The following DCDC1 variants were observed in gnomAD, a reference collection of about 807,000 sequenced individuals.
DCDC1 encodes the protein doublecortin domain containing 1, also known as doublecortin domain-containing protein 1.
A neutral mutation model predicts 178.3 loss-of-function variants in DCDC1; 200 were observed. The observed-to-expected ratio is 1.12, with a 90% CI of 1.00 to 1.26. The LOEUF is 1.26. Among genes scored for constraint, DCDC1 ranks in the 50% most tolerant of loss-of-function variants. The pLI, the probability that DCDC1 is intolerant of heterozygous loss-of-function variation, is 0.00. For missense variants in DCDC1, 1,983 were observed against 1,749.2 expected (o/e 1.13, Z -2.38); for synonymous variants, 690 against 604.8 (o/e 1.14, Z -2.07).
chr11:30,997,805 G>C lies in DCDC1; in HGVS notation c.2592-45237C>G, dbSNP rs957284532. On this transcript the variant is annotated intron_variant, in intron 20 of 38. Transcript: ENST00000684477. The stretch of plus-strand genomic sequence containing the variant: ...CTCATGTTTATTTTACCATACCATA[G>C]TGTGTATGTGTGTGTGTGTGTGTGT... Among the ~76,000 whole-genome samples the C allele has an allele frequency of 3.5e-5, 5 of 144,156 alleles. No homozygotes were observed. The East Asian group carries it at 7.8e-4, about 22-fold the overall frequency. 94.6% of individuals were successfully genotyped at this position (144,156 alleles called of 152,430 possible). A position where few individuals can be genotyped will look rare whatever the true frequency, so the allele number is the denominator to read the frequency against.
intron 9 of DCDC1, among the ~76,000 whole-genome samples, chr11:31,153,090 G>A (rs977155265): frequency 1.3e-5 from 2 of 152,030 alleles, no homozygotes; most frequent in African/African-American, 4.8e-5. Flanking sequence ...CCTATGTTTT[G>A]GATTTAGCTG....
intron 3 of DCDC1, among the ~76,000 whole-genome samples, chr11:31,319,721 C>G (rs999296349): frequency 3.8e-5 from 2 of 53,272 alleles, no homozygotes; most frequent in Admixed American, 4.3e-4. Flanking sequence ...TGATTTTGCT[C>G]ATTAGTTGAT....
intron 20 of DCDC1, among the ~76,000 whole-genome samples, chr11:30,956,465 A>G (rs1948781413): frequency 6.6e-6 from 1 of 152,184 alleles, no homozygotes; most frequent in African/African-American, 2.4e-5. Flanking sequence ...TAGCAATACC[A>G]TTTATGGTAT....
chr11:30,961,906 C>A (rs1473723348), intron 20 of DCDC1, among the ~76,000 whole-genome samples: 2 of 151,960 alleles, frequency 1.3e-5, no homozygotes, highest in Non-Finnish European at 2.9e-5. Context: ...GGGAACAAAT[C>A]ACTCCAAATT....
intron 20 of DCDC1, among the ~76,000 whole-genome samples, chr11:30,953,178 G>A (rs760496816): frequency 8.6e-5 from 13 of 150,616 alleles, no homozygotes; most frequent in Non-Finnish European, 1.5e-4. Context: ...GTCATATATT[G>A]TGACAAATGA....
At chr11:31,011,634 T>C (rs974329232) in intron 20 of DCDC1, among the ~76,000 whole-genome samples, 1 of 152,178 alleles carries the variant, frequency 6.6e-6, no homozygotes, top group African/African-American at 2.4e-5. Flanking sequence ...CCCTACGCTA[T>C]AGTAGAACCA....
At chr11:31,247,666 C>A (rs1352637185) in intron 8 of DCDC1, among the ~76,000 whole-genome samples, 2 of 151,986 alleles carry the variant, frequency 1.3e-5, no homozygotes, top group Admixed American at 6.6e-5. Context: ...ATGCCTCTTT[C>A]TACTTCCACC....
chr11:31,351,265 CTAAAG>C (rs1285936303), intron 1 of DCDC1, among the ~76,000 whole-genome samples: 1 of 152,010 alleles, frequency 6.6e-6, no homozygotes, highest in Non-Finnish European at 1.5e-5. Flanking sequence ...TTTCTAAATA[CTAAAG>C]TAAATAGAAT....
intron 36 of DCDC1, among the ~76,000 whole-genome samples, chr11:30,888,723 G>A (rs896736296): frequency 6.6e-6 from 1 of 151,960 alleles, no homozygotes; most frequent in African/African-American, 2.4e-5. Flanking sequence ...GTGTCAAAAG[G>A]AAACAAACAA....
intron 23 of DCDC1, among the ~76,000 whole-genome samples, chr11:30,924,210 C>A (rs163884): frequency 0.87 from 132,796 of 152,224 alleles, 58,371 homozygotes; most frequent in East Asian, 1. Context: ...GCACAGCAGA[C>A]CAAACAAAAA....
chr11:31,083,890 T>G (rs1362042127), intron 17 of DCDC1, among the ~76,000 whole-genome samples: 3 of 152,212 alleles, frequency 2.0e-5, no homozygotes, highest in African/African-American at 7.2e-5. Flanking sequence ...TCCTTAAAAA[T>G]GAAGCAATAT....
At chr11:31,239,467 C>A in intron 9 of DCDC1, among the ~76,000 whole-genome samples, 1 of 151,764 alleles carries the variant, frequency 6.6e-6, no homozygotes, top group African/African-American at 2.4e-5. Context: ...AGAAGAAAAC[C>A]TCAAGCATAC....
At chr11:30,922,015 A>G (rs1946280434) in intron 24 of DCDC1, among the ~76,000 whole-genome samples, 1 of 152,146 alleles carries the variant, frequency 6.6e-6, no homozygotes, top group East Asian at 1.9e-4. Context: ...TCAGGGAGGT[A>G]GCACACCCAC....
intron 21 of DCDC1, among the ~76,000 whole-genome samples, chr11:30,948,299 G>T (rs1488992923): frequency 3.3e-5 from 5 of 152,138 alleles, no homozygotes; most frequent in Admixed American, 2.6e-4. Flanking sequence ...ACTTACAAGG[G>T]ATGTGAAGGA....
At chr11:30,925,192 T>C in intron 23 of DCDC1, 117 bp downstream of exon 23, 1 of 890,378 alleles carries the variant, frequency 1.1e-6, no homozygotes. Context: ...TTAGGATAAT[T>C]CTGAGAGAAA....
At chr11:31,118,128 T>C (rs1960247406) in intron 11 of DCDC1, among the ~76,000 whole-genome samples, 1 of 152,108 alleles carries the variant, frequency 6.6e-6, no homozygotes, top group East Asian at 1.9e-4. Context: ...AAATGAACAT[T>C]GTAGGATTAA....
Position 30,900,328 on chromosome 11 carries a change from C to T in DCDC1, c.4663+18G>A. The T allele has an allele frequency of 1.3e-6, 2 of 1,488,980 alleles. No individual in the cohort carries two copies. The highest frequency in any genetic ancestry group is 1.8e-6 in the Non-Finnish European group (2 of 1,116,824). The allele number at this position is 1,488,980 out of a possible 1,614,324, so 92.2% of individuals were successfully genotyped here. On this transcript the variant is annotated intron_variant, in intron 33 of 38. Transcript: ENST00000684477. ...CTTCATATACTTGCTTGAAAGAAAGCAAAAACAAAAAAGTTACCATTTGGA... is the reference window on the plus strand; with the variant it reads ...CTTCATATACTTGCTTGAAAGAAAGTAAAAACAAAAAAGTTACCATTTGGA...
intron 9 of DCDC1, among the ~76,000 whole-genome samples, chr11:31,214,318 G>C (rs772277291): frequency 3.3e-5 from 5 of 152,118 alleles, no homozygotes; most frequent in Non-Finnish European, 7.4e-5. Flanking sequence ...AACTTTAGTT[G>C]ATAAGGTATA....
chr11:31,052,167 T>C (rs1955301314), intron 20 of DCDC1, among the ~76,000 whole-genome samples: 1 of 152,160 alleles, frequency 6.6e-6, no homozygotes, highest in Non-Finnish European at 1.5e-5. Flanking sequence ...AGGCATTTCA[T>C]ACAAATGAAC....
Sources: gnomAD v4.1 joint callset for allele counts (sites outside exome capture counted in the v4.1 genomes callset) on GRCh38, gnomAD v4.1.1 for gene constraint, MANE v1.5 for transcripts, NCBI Gene and HGNC (gene_info 2026-07-23, HGNC 2026-07-21) for gene names.